The following LRP1B variants were observed in gnomAD, a reference collection of about 807,000 sequenced individuals.
The protein encoded by LRP1B is LDL receptor related protein 1B, also known as low-density lipoprotein receptor-related protein 1B.
In LRP1B, 217 loss-of-function variants were observed where a neutral mutation model predicts 556.6. That is an observed-to-expected ratio of 0.39 (90% CI 0.35 to 0.44). LRP1B has a LOEUF of 0.44. Among genes scored for constraint, LRP1B ranks in the 20% least tolerant of loss-of-function variants. The probability of loss-of-function intolerance (pLI) is 1.00; values close to 1 mark genes in which losing one functional copy is unlikely to be tolerated. For synonymous variants in LRP1B, 2,047 were observed against 1,865.8 expected (o/e 1.10, Z -2.50); for missense variants, 5,053 against 5,620.8 (o/e 0.90, Z 3.23).
At chr2:140,530,087 T>C (rs548772438) in intron 47 of LRP1B, among the ~76,000 whole-genome samples, 4 of 152,308 alleles carry the variant, frequency 2.6e-5, no homozygotes, top group South Asian at 4.1e-4. Context: ...TAATTACTAC[T>C]GACATCTAAA....
At chr2:141,732,658 G>C (rs376880421) in intron 2 of LRP1B, among the ~76,000 whole-genome samples, 1 of 152,186 alleles carries the variant, frequency 6.6e-6, no homozygotes. Flanking sequence ...GAAAATGATC[G>C]TGAGTAGCTT....
chr2:140,403,260 A>G (rs565984278), intron 66 of LRP1B, among the ~76,000 whole-genome samples: 1 of 152,316 alleles, frequency 6.6e-6, no homozygotes, highest in South Asian at 2.1e-4. Context: ...CTAGTTCCCC[A>G]GCAATGGATC....
At position 140,835,577 on chromosome 2, in the gene LRP1B, G is replaced by T. The variant is rs926959483; in HGVS notation, c.5209+4414C>A. ...TTTGAGATGAAGTTTCGCTCTTGTT[G>T]CACAGGCTGGAGTGCAATGGCACGA... On this transcript the variant is annotated intron_variant, in intron 31 of 90. Transcript: ENST00000389484. Among the ~76,000 whole-genome samples, 5 of 151,996 alleles carry T rather than the reference G, an allele frequency of 3.3e-5. No individual in the cohort carries two copies. The East Asian group carries it at 9.7e-4, about 29-fold the overall frequency.
chr2:141,991,118 C>A (rs1453431577), intron 1 of LRP1B, among the ~76,000 whole-genome samples: 4 of 152,074 alleles, frequency 2.6e-5, no homozygotes, highest in Non-Finnish European at 4.4e-5. Flanking sequence ...AGGTTAACTT[C>A]ATCTTCCTTA....
At chr2:140,379,800 T>C (rs1286005959) in intron 67 of LRP1B, among the ~76,000 whole-genome samples, 2 of 152,152 alleles carry the variant, frequency 1.3e-5, no homozygotes, top group Non-Finnish European at 2.9e-5. Flanking sequence ...CTACTTAGTT[T>C]AGTTTAAAAC....
At position 141,312,603 on chromosome 2, in the gene LRP1B, G is replaced by A. The variant is rs138205535; in HGVS notation, c.344-57962C>T. Among the ~76,000 whole-genome samples, 142 of 152,118 alleles carry A rather than the reference G, an allele frequency of 9.3e-4. 2 individuals carry two copies. The highest frequency in any genetic ancestry group is 2.7e-3 in the South Asian group (13 of 4,814). On this transcript the variant is annotated intron_variant, in intron 3 of 90. Coordinates refer to ENST00000389484, the MANE Select transcript of LRP1B (RefSeq NM_018557.3). ...TACTTGTCTATGGTATTCTGTTATA[G>A]CAACAAAAAATTGACTAAGTTGCAT...
chr2:141,586,681 G>A (rs1012122031), intron 2 of LRP1B, among the ~76,000 whole-genome samples: 1 of 152,114 alleles, frequency 6.6e-6, no homozygotes, highest in African/African-American at 2.4e-5. Flanking sequence ...GGTGGCTCAC[G>A]CCTGTAATCC....
intron 2 of LRP1B, among the ~76,000 whole-genome samples, chr2:141,700,213 T>C (rs1267603405): frequency 6.6e-6 from 1 of 151,798 alleles, no homozygotes; most frequent in Non-Finnish European, 1.5e-5. Context: ...GTAAGATACC[T>C]TCGACATTAT....
intron 7 of LRP1B, among the ~76,000 whole-genome samples, chr2:141,093,446 A>G (rs1700221025): frequency 6.6e-6 from 1 of 152,186 alleles, no homozygotes; most frequent in Non-Finnish European, 1.5e-5. Flanking sequence ...AATAAAATAT[A>G]TAGTAGAATT....
chr2:142,122,699 C>G lies in LRP1B; in HGVS notation c.82+7949G>C, dbSNP rs140326897. ...TGCCCAGTGGGCACAATCTGTAGTG[C>G]TTTCACCTGATGAGGCAAGAATCTC... On this transcript the variant is annotated intron_variant, in intron 1 of 90. Coordinates refer to ENST00000389484, the MANE Select transcript of LRP1B (RefSeq NM_018557.3). Among the ~76,000 whole-genome samples the G allele has an allele frequency of 1.1e-3, 162 of 152,072 alleles. 3 individuals are homozygous for G. The East Asian group carries it at 0.028, about 26-fold the overall frequency.
At chr2:141,527,365 A>C (rs1490149588) in intron 2 of LRP1B, among the ~76,000 whole-genome samples, 1 of 151,938 alleles carries the variant, frequency 6.6e-6, no homozygotes, top group Non-Finnish European at 1.5e-5. Context: ...TAAAAAAAAC[A>C]TTGTTTCTGA....
chr2:140,728,638 T>C lies in LRP1B; in HGVS notation c.5759-11822A>G, dbSNP rs138264856. Among the ~76,000 whole-genome samples the C allele has an allele frequency of 4.8e-3, 729 of 152,260 alleles. 7 individuals are homozygous for C. Among genetic ancestry groups the C allele is most frequent in the South Asian group, 0.018 (89 of 4,828 alleles). The stretch of plus-strand genomic sequence containing the variant: ...TAGTAAATCAGACAAAGAAGTAAGA[T>C]ATACTTTAAAAACAGAGGCCTTCCC... On this transcript the variant is annotated intron_variant, in intron 35 of 90. Coordinates refer to ENST00000389484, the MANE Select transcript of LRP1B (RefSeq NM_018557.3).
At chr2:140,418,576 G>A (rs1414145239) in intron 66 of LRP1B, among the ~76,000 whole-genome samples, 1 of 151,992 alleles carries the variant, frequency 6.6e-6, no homozygotes, top group East Asian at 1.9e-4. Flanking sequence ...TCCCATATTT[G>A]TGAAGCAGGA....
At chr2:140,613,628 G>A (rs1017048019) in intron 41 of LRP1B, among the ~76,000 whole-genome samples, 22 of 150,984 alleles carry the variant, frequency 1.5e-4, no homozygotes, top group African/African-American at 4.4e-4. Flanking sequence ...CAGCCTTGTC[G>A]TTTAAAAATT....
Position 140,503,075 on chromosome 2 carries a change from A to T in LRP1B, c.8550T>A (p.Phe2850Leu), listed in dbSNP as rs775075632. The change falls in exon 54 of 91, where the codon TTT becomes TTA. Residue 2850 changes from phenylalanine to leucine, a missense_variant. By Grantham distance (22) the Phe-to-Leu change is conservative. Coordinates refer to ENST00000389484, the MANE Select transcript of LRP1B (RefSeq NM_018557.3). ...GAAGACACCGCCCATCAGCACAACTAAATTCTTCTGTACCACACTGTCGAT... is the reference window on the plus strand; with the variant it reads ...GAAGACACCGCCCATCAGCACAACTTAATTCTTCTGTACCACACTGTCGAT... ...CGYRQCGTEE[F>L]SCADGRCLLN... The T allele has an allele frequency of 6.2e-7, 1 of 1,613,292 alleles. No homozygotes were observed. The highest frequency in any genetic ancestry group is 8.5e-7 in the Non-Finnish European group (1 of 1,179,368).
chr2:141,072,796 T>C (rs1331572961), intron 7 of LRP1B, among the ~76,000 whole-genome samples: 3 of 152,098 alleles, frequency 2.0e-5, no homozygotes, highest in Non-Finnish European at 2.9e-5. Flanking sequence ...AATTAGAGCA[T>C]ACAGAAAGGC....
At chr2:141,463,592 T>C (rs1161010113) in intron 3 of LRP1B, among the ~76,000 whole-genome samples, 1 of 89,466 alleles carries the variant, frequency 1.1e-5, no homozygotes, top group Non-Finnish European at 2.1e-5. Flanking sequence ...TTATATATAA[T>C]ATATATTATA....
intron 2 of LRP1B, among the ~76,000 whole-genome samples, chr2:141,697,053 G>A (rs534846536): frequency 3.3e-5 from 5 of 151,764 alleles, no homozygotes; most frequent in Admixed American, 2.0e-4. Context: ...AGCATATCAC[G>A]TTCTTTTTTT....
chr2:140,801,690 T>C (rs1336095791), intron 32 of LRP1B, among the ~76,000 whole-genome samples: 1 of 152,106 alleles, frequency 6.6e-6, no homozygotes, highest in African/African-American at 2.4e-5. Flanking sequence ...AAACTAATAA[T>C]GCTGTGATAA....
Sources: allele counts gnomAD v4.1 joint callset (sites outside exome capture counted in the v4.1 genomes callset), GRCh38; gene constraint gnomAD v4.1.1; transcripts MANE v1.5; gene names NCBI Gene and HGNC (gene_info 2026-07-23, HGNC 2026-07-21).